FANCC: variants seen among roughly 807,000 people sequenced by gnomAD.
The protein encoded by FANCC is FA complementation group C.
A neutral mutation model predicts 71.3 loss-of-function variants in FANCC; 55 were observed. The ratio of observed to expected loss-of-function variants is 0.77; its 90% CI spans 0.62 to 0.97. FANCC has a LOEUF of 0.97. Ranked by LOEUF, FANCC falls within the 50% of genes least tolerant of loss-of-function variation. FANCC has a pLI of 0.00. For synonymous variants in FANCC, 275 were observed against 244.9 expected (o/e 1.12, Z -1.15); for missense variants, 678 against 670.9 (o/e 1.01, Z -0.12).
chr9:95,192,788 A>G (rs4647473), intron 4 of FANCC, among the ~76,000 whole-genome samples: 5,586 of 152,290 alleles, frequency 0.037, 304 homozygotes, highest in African/African-American at 0.12. Context: ...CCTAGACATC[A>G]GCTTTTTCCT....
intron 13 of FANCC, among the ~76,000 whole-genome samples, chr9:95,108,342 G>A (rs959715016): frequency 4.2e-4 from 64 of 152,194 alleles, no homozygotes; most frequent in African/African-American, 1.4e-3. Flanking sequence ...CCAGCCTGCC[G>A]GGTCTGATGG....
intron 10 of FANCC, among the ~76,000 whole-genome samples, chr9:95,124,757 T>G (rs1431206057): frequency 2.6e-5 from 4 of 152,206 alleles, no homozygotes; most frequent in Admixed American, 2.6e-4. Context: ...GAGGCTCAGA[T>G]GCAGCCAGGG....
chr9:95,315,350 G>T (rs1835675057), intron 1 of FANCC, among the ~76,000 whole-genome samples: 1 of 152,146 alleles, frequency 6.6e-6, no homozygotes, highest in South Asian at 2.1e-4. Context: ...TCAGCCTCCC[G>T]AGTAACTGGG....
chr9:95,179,425 C>T (rs1204756664), intron 4 of FANCC, among the ~76,000 whole-genome samples: 6 of 152,232 alleles, frequency 3.9e-5, no homozygotes. Context: ...TAGCTCACTG[C>T]AACCTCTGCC....
chr9:95,288,408 G>A (rs2136297924), intron 1 of FANCC, among the ~76,000 whole-genome samples: 1 of 152,134 alleles, frequency 6.6e-6, no homozygotes, highest in East Asian at 1.9e-4. Context: ...CCAGCTACTT[G>A]AAAACCGCTA....
At chr9:95,283,002 T>C (rs948447069) in intron 1 of FANCC, among the ~76,000 whole-genome samples, 1 of 152,236 alleles carries the variant, frequency 6.6e-6, no homozygotes, top group African/African-American at 2.4e-5. Context: ...ACTTTGAGAA[T>C]GATCTATTAA....
chr9:95,275,982 C>A (rs1472200985), intron 1 of FANCC, among the ~76,000 whole-genome samples: 1 of 152,084 alleles, frequency 6.6e-6, no homozygotes, highest in Admixed American at 6.6e-5. Flanking sequence ...GGACTCACAC[C>A]CTGTCTAATA....
intron 4 of FANCC, among the ~76,000 whole-genome samples, chr9:95,237,293 A>G (rs1037213190): frequency 6.6e-6 from 1 of 152,140 alleles, no homozygotes; most frequent in Non-Finnish European, 1.5e-5. Flanking sequence ...ACCCCACCCT[A>G]GTCTGGCTAT....
intron 4 of FANCC, among the ~76,000 whole-genome samples, chr9:95,236,886 T>A (rs1830347632): frequency 6.6e-6 from 1 of 152,222 alleles, no homozygotes; most frequent in South Asian, 2.1e-4. Flanking sequence ...TAACAGATAC[T>A]ATGTCACTCT....
rs56199232 is a variant in FANCC, at chr9:95,099,183, C to T, written c.*2524G>A. ...ACAGCCTGGTTGGAGGGGCGCTCTC[C>T]GCCTCTTCTGTATTTTTGGCTCTCT... is the stretch of plus-strand genomic sequence containing the variant. On this transcript the variant is annotated 3_prime_UTR_variant, in exon 15 of 15. Transcript: ENST00000289081. 1.5e-3 allele frequency: 318 copies of T among 216,956 alleles called. 3 individuals carry two copies. The highest frequency in any genetic ancestry group is 6.6e-3 in the African/African-American group (294 of 44,442). The allele number at this position is 216,956 out of a possible 1,614,324, so 13.4% of individuals were successfully genotyped here.
intron 1 of FANCC, among the ~76,000 whole-genome samples, chr9:95,302,211 T>A (rs903162220): frequency 1.1e-4 from 16 of 152,158 alleles, no homozygotes; most frequent in Non-Finnish European, 5.9e-5. Context: ...GAGCCCAGCT[T>A]TAGGAGAGCT....
At chr9:95,179,039 T>C (rs4647488) in intron 4 of FANCC, among the ~76,000 whole-genome samples, 26 of 152,184 alleles carry the variant, frequency 1.7e-4, no homozygotes, top group African/African-American at 6.3e-4. Context: ...GAAACCATAA[T>C]AGAGATTTCG....
intron 4 of FANCC, among the ~76,000 whole-genome samples, chr9:95,207,727 A>ATATAC (rs1828222968): frequency 6.6e-6 from 1 of 152,174 alleles, no homozygotes; most frequent in Non-Finnish European, 1.5e-5. Flanking sequence ...CTATTTCATT[A>ATATAC]TATACTGTAC....
intron 4 of FANCC, 43 bp downstream of exon 4, chr9:95,240,606 C>A: frequency 1.4e-6 from 2 of 1,438,116 alleles, no homozygotes; most frequent in South Asian, 2.3e-5. Flanking sequence ...TTTAAATAAT[C>A]AATTTAATTC....
At chr9:95,102,140 G>A (rs1344655634) in intron 14 of FANCC, among the ~76,000 whole-genome samples, 1 of 152,228 alleles carries the variant, frequency 6.6e-6, no homozygotes, top group African/African-American at 2.4e-5. Context: ...AGCGCTGCTT[G>A]CAATCAGAAG....
intron 4 of FANCC, among the ~76,000 whole-genome samples, chr9:95,202,318 G>T (rs2135812045): frequency 6.6e-6 from 1 of 152,316 alleles, no homozygotes; most frequent in Non-Finnish European, 1.5e-5. Context: ...CCTCTAGAAA[G>T]AGCCAGCTTT....
At chr9:95,117,910 CAG>C (rs1433104958) in intron 10 of FANCC, among the ~76,000 whole-genome samples, 1 of 152,126 alleles carries the variant, frequency 6.6e-6, no homozygotes, top group African/African-American at 2.4e-5. Context: ...TTAGTAGAGA[CAG>C]AGTTTCTCCA....
At chr9:95,162,580 A>G (rs1267221986) in intron 6 of FANCC, among the ~76,000 whole-genome samples, 1 of 152,224 alleles carries the variant, frequency 6.6e-6, no homozygotes, top group African/African-American at 2.4e-5. Context: ...GCAACAGTGT[A>G]CAAGGGTTCC....
chr9:95,189,738 T>C (rs1197063141), intron 4 of FANCC, among the ~76,000 whole-genome samples: 1 of 152,164 alleles, frequency 6.6e-6, no homozygotes, highest in Admixed American at 6.5e-5. Flanking sequence ...TAAATAATCA[T>C]CCCTTTGAAA....
Sources: allele counts gnomAD v4.1 joint callset (sites outside exome capture counted in the v4.1 genomes callset), GRCh38; gene constraint gnomAD v4.1.1; transcripts MANE v1.5; gene names NCBI Gene and HGNC (gene_info 2026-07-23, HGNC 2026-07-21).